The following EEFSEC variants were observed in gnomAD, a reference collection of about 807,000 sequenced individuals.
EEFSEC encodes the protein selenocysteine-specific elongation factor.
Under a neutral mutation model 42.1 loss-of-function variants are expected in EEFSEC, and 43 were observed. The ratio of observed to expected loss-of-function variants is 1.02; its 90% CI spans 0.80 to 1.32. EEFSEC has a LOEUF of 1.32. Ranked by LOEUF, EEFSEC falls within the 40% of genes most tolerant of loss-of-function variation. EEFSEC has a pLI of 0.00. For synonymous variants in EEFSEC, 354 were observed against 339.1 expected (o/e 1.04, Z -0.48); for missense variants, 745 against 803.6 (o/e 0.93, Z 0.88).
intron 1 of EEFSEC, among the ~76,000 whole-genome samples, chr3:128,232,774 C>T (rs745471431): frequency 2.0e-5 from 3 of 152,170 alleles, no homozygotes; most frequent in Non-Finnish European, 2.9e-5. Context: ...GACTATGACA[C>T]GGTAGCTTAA....
chr3:128,189,178 G>A lies in EEFSEC; in HGVS notation c.316+35355G>A, dbSNP rs899859114. Among the ~76,000 whole-genome samples the A allele has an allele frequency of 2.6e-5, 4 of 152,354 alleles. No individual in the cohort carries two copies. The South Asian group carries it at 8.3e-4, about 32-fold the overall frequency. Reference sequence around the variant, plus strand: ...TGGGCAGCCCCTCTGGCCATGTGGAGGAGGAGGCCTGTGAGCACTGGTTCT... The same window carrying A: ...TGGGCAGCCCCTCTGGCCATGTGGAAGAGGAGGCCTGTGAGCACTGGTTCT... On this transcript the variant is annotated intron_variant, in intron 1 of 6. Coordinates refer to ENST00000254730, the MANE Select transcript of EEFSEC (RefSeq NM_021937.5).
At chr3:128,250,390 T>C (rs918745873) in intron 2 of EEFSEC, among the ~76,000 whole-genome samples, 3 of 152,128 alleles carry the variant, frequency 2.0e-5, no homozygotes, top group African/African-American at 7.2e-5. Flanking sequence ...CTTTAGCTCT[T>C]AAGTTTAGGT....
chr3:128,349,887 G>A (rs975852905), intron 5 of EEFSEC, among the ~76,000 whole-genome samples: 1 of 152,230 alleles, frequency 6.6e-6, no homozygotes, highest in Non-Finnish European at 1.5e-5. Context: ...TGGGTAAACA[G>A]TGGGTATCAT....
chr3:128,377,137 A>T (rs536470386), intron 6 of EEFSEC, among the ~76,000 whole-genome samples: 1 of 152,200 alleles, frequency 6.6e-6, no homozygotes. Flanking sequence ...TAGTCCCATT[A>T]TTAATATTTT....
At chr3:128,370,743 G>A (rs926247376) in intron 6 of EEFSEC, among the ~76,000 whole-genome samples, 2 of 152,240 alleles carry the variant, frequency 1.3e-5, no homozygotes, top group Non-Finnish European at 2.9e-5. Flanking sequence ...CCATCCCAGG[G>A]GGCACCGTTT....
chr3:128,259,549 C>T (rs2066276820), intron 2 of EEFSEC, among the ~76,000 whole-genome samples: 1 of 152,198 alleles, frequency 6.6e-6, no homozygotes, highest in African/African-American at 2.4e-5. Flanking sequence ...GAAATTCATA[C>T]TTTCAATGTG....
chr3:128,171,638 A>G (rs576524300), intron 1 of EEFSEC, among the ~76,000 whole-genome samples: 467 of 152,298 alleles, frequency 3.1e-3, no homozygotes, highest in Middle Eastern at 0.014. Context: ...AGGACTTTCC[A>G]GGAGAAAAAA....
At chr3:128,285,465 G>A (rs2066574114) in intron 4 of EEFSEC, among the ~76,000 whole-genome samples, 1 of 152,140 alleles carries the variant, frequency 6.6e-6, no homozygotes, top group African/African-American at 2.4e-5. Context: ...ACAGGCCTGT[G>A]AAAGAGATGG....
intron 4 of EEFSEC, among the ~76,000 whole-genome samples, chr3:128,323,009 G>A (rs1216193650): frequency 6.6e-6 from 1 of 152,180 alleles, no homozygotes; most frequent in Non-Finnish European, 1.5e-5. Flanking sequence ...TGCTTAACAT[G>A]TTTAAAGTAT....
At chr3:128,157,662 A>G (rs1439691223) in intron 1 of EEFSEC, among the ~76,000 whole-genome samples, 2 of 152,248 alleles carry the variant, frequency 1.3e-5, no homozygotes, top group African/African-American at 2.4e-5. Flanking sequence ...AGCATGGTTT[A>G]CTGAATATTT....
chr3:128,245,027 G>A (rs2066112846), intron 1 of EEFSEC, among the ~76,000 whole-genome samples: 2 of 152,208 alleles, frequency 1.3e-5, no homozygotes, highest in Non-Finnish European at 2.9e-5. Context: ...CAAACATGCT[G>A]CTTGGCTGGG....
intron 1 of EEFSEC, among the ~76,000 whole-genome samples, chr3:128,155,117 T>G (rs1417299034): frequency 6.6e-6 from 1 of 152,092 alleles, no homozygotes; most frequent in Non-Finnish European, 1.5e-5. Context: ...TGTTTTTTTG[T>G]TTTTTTGTTT....
chr3:128,169,837 G>T (rs557196449), intron 1 of EEFSEC, among the ~76,000 whole-genome samples: 164 of 152,264 alleles, frequency 1.1e-3, no homozygotes, highest in African/African-American at 3.7e-3. Flanking sequence ...CCTAGACCTC[G>T]TCTCACTCCT....
At chr3:128,354,175 G>A (rs1436636001) in intron 5 of EEFSEC, among the ~76,000 whole-genome samples, 8 of 152,234 alleles carry the variant, frequency 5.3e-5, no homozygotes, top group East Asian at 3.9e-4. Flanking sequence ...GTGTGCAGAC[G>A]TCCAGCTCCT....
chr3:128,323,437 A>G (rs2067029609), intron 4 of EEFSEC, among the ~76,000 whole-genome samples: 1 of 152,168 alleles, frequency 6.6e-6, no homozygotes, highest in African/African-American at 2.4e-5. Flanking sequence ...CTGGCCCGGA[A>G]CTGACCTTTG....
chr3:128,351,999 C>G (rs937719628), intron 5 of EEFSEC, among the ~76,000 whole-genome samples: 4 of 152,196 alleles, frequency 2.6e-5, no homozygotes, highest in African/African-American at 9.7e-5. Flanking sequence ...AAATGAAAAC[C>G]CTCCAACTGT....
intron 6 of EEFSEC, among the ~76,000 whole-genome samples, chr3:128,372,708 T>A (rs1370834730): frequency 6.6e-6 from 1 of 152,108 alleles, no homozygotes; most frequent in Admixed American, 6.6e-5. Flanking sequence ...TTTTGTTCCT[T>A]CAGCACCCCC....
At chr3:128,324,118 G>A (rs1282941457) in intron 4 of EEFSEC, among the ~76,000 whole-genome samples, 1 of 152,226 alleles carries the variant, frequency 6.6e-6, no homozygotes, top group Non-Finnish European at 1.5e-5. Context: ...GTCTGGGGCT[G>A]GGAGTGGGGT....
At chr3:128,190,327 A>G (rs1015470612) in intron 1 of EEFSEC, among the ~76,000 whole-genome samples, 9 of 152,240 alleles carry the variant, frequency 5.9e-5, no homozygotes, top group African/African-American at 2.2e-4. Flanking sequence ...GGTGGAAGAC[A>G]GTGATGTTGA....
Sources: allele counts gnomAD v4.1 joint callset (sites outside exome capture counted in the v4.1 genomes callset), GRCh38; gene constraint gnomAD v4.1.1; transcripts MANE v1.5; gene names NCBI Gene and HGNC (gene_info 2026-07-23, HGNC 2026-07-21).